IFT172: variants seen among roughly 807,000 people sequenced by gnomAD.
IFT172 encodes intraflagellar transport protein 172 homolog.
IFT172 carries 164 observed loss-of-function variants against 248.9 expected under a neutral mutation model. That is an observed-to-expected ratio of 0.66 (90% CI 0.58 to 0.75). The LOEUF (loss-of-function observed/expected upper bound fraction) is 0.75, where lower values mean the gene tolerates loss of function less well. IFT172 is among the 30% of genes least tolerant of loss of function. IFT172 has a pLI of 0.00. For synonymous variants in IFT172, 729 were observed against 791.6 expected (o/e 0.92, Z 1.33); for missense variants, 1,950 against 2,192.4 (o/e 0.89, Z 2.21).
At chr2:27,462,635 T>A in intron 20 of IFT172, 66 bp downstream of exon 20, 1 of 1,425,278 alleles carries the variant, frequency 7.0e-7, no homozygotes, top group South Asian at 1.2e-5. Context: ...CCCTTGAGTT[T>A]GTACCCCCTT....
Position 27,476,740 on chromosome 2 carries a change from G to T in IFT172, c.1326-14C>A, listed in dbSNP as rs777834110. ...TTAATACGAACACTGAAACATGAAG[G>T]GTGAGGTAAGGCAAAATGGGCTGAG... On this transcript the variant is annotated splice_polypyrimidine_tract_variant and intron_variant, in intron 13 of 47. Coordinates refer to ENST00000260570, the MANE Select transcript of IFT172 (RefSeq NM_015662.3). 4 of 1,571,170 alleles carry T rather than the reference G, an allele frequency of 2.5e-6. No individual in the cohort carries two copies. Among genetic ancestry groups the T allele is most frequent in the Non-Finnish European group, 3.5e-6 (4 of 1,141,464 alleles).
At chr2:27,447,182 C>G (rs1303985107) in intron 42 of IFT172, among the ~76,000 whole-genome samples, 1 of 152,196 alleles carries the variant, frequency 6.6e-6, no homozygotes, top group Non-Finnish European at 1.5e-5. Context: ...TTCTAGAATT[C>G]TATCATCCAA....
chr2:27,449,149 CCA>C, intron 39 of IFT172, 118 bp from the exon 40 acceptor site: 1 of 1,180,074 alleles, frequency 8.5e-7, no homozygotes, highest in Non-Finnish European at 1.3e-6. Flanking sequence ...ACCTCTGACC[CCA>C]GTTTCAGACT....
intron 8 of IFT172, 115 bp downstream of exon 8, chr2:27,480,931 C>T: frequency 2.6e-6 from 2 of 761,206 alleles, no homozygotes; most frequent in South Asian, 1.7e-5. Context: ...GCATGAATTA[C>T]ATACATACAT....
chr2:27,488,223 G>A (rs1243948666), intron 1 of IFT172, among the ~76,000 whole-genome samples: 6 of 151,732 alleles, frequency 4.0e-5, no homozygotes, highest in Admixed American at 1.3e-4. Flanking sequence ...GCACGATCTC[G>A]GCTCACTGCA....
intron 39 of IFT172, 114 bp from the exon 40 acceptor site, chr2:27,449,145 G>T: frequency 8.7e-7 from 1 of 1,154,242 alleles, no homozygotes; most frequent in Non-Finnish European, 1.3e-6. Flanking sequence ...GCAAACCTCT[G>T]ACCCCAGTTT....
intron 21 of IFT172, 58 bp from the exon 22 acceptor site, chr2:27,461,575 C>T (rs933313790): frequency 6.9e-6 from 11 of 1,584,276 alleles, no homozygotes; most frequent in Non-Finnish European, 9.5e-6. Context: ...CTTCTGCCTC[C>T]CATGCTTCTC....
rs371604610 is a variant in IFT172 at position 27,454,128 on chromosome 2, G to A, written c.3565C>T (p.Arg1189Cys). Residue 1189 changes from arginine (R) to cysteine (C), a missense_variant, in exon 33 of 48, where the codon CGT becomes TGT. Coordinates refer to ENST00000260570, the MANE Select transcript of IFT172 (RefSeq NM_015662.3). This position sits in a 1 kb window ranked among gnomAD's most constrained non-coding sequence, Gnocchi z 4.2. ...VHNQDWEAAQ[R>C]VAEAHDPDSV... ...TCAGGGTCGTGAGCCTCAGCCACAC[G>A]CTGAGCTGCCTCCCAATCCTGGTTA... The A allele has an allele frequency of 4.3e-6, 7 of 1,613,512 alleles. No individual in the cohort carries two copies. The highest frequency in any genetic ancestry group is 2.2e-5 in the East Asian group (1 of 44,890).
chr2:27,483,751 G>A (rs1418363745), intron 5 of IFT172, 92 bp from the exon 6 acceptor site: 1 of 1,464,702 alleles, frequency 6.8e-7, no homozygotes, highest in Admixed American at 1.7e-5. Flanking sequence ...CCACAAAACT[G>A]GTCCCTATGC....
Position 27,479,612 on chromosome 2 carries a change from G to A in IFT172, c.910-8C>T, listed in dbSNP as rs1355758993. On this transcript the variant is annotated splice_polypyrimidine_tract_variant and splice_region_variant and intron_variant, in intron 9 of 47. Transcript: ENST00000260570. ...CCCACCACATAGTGTGCCCTAGAAGGGAAAGTGACAGCATAAAAGGTCACA... is the reference window on the plus strand; with the variant it reads ...CCCACCACATAGTGTGCCCTAGAAGAGAAAGTGACAGCATAAAAGGTCACA... The A allele has an allele frequency of 3.2e-6, 5 of 1,570,726 alleles. No individual in the cohort carries two copies. Among genetic ancestry groups the A allele is most frequent in the Admixed American group, 1.7e-5 (1 of 59,908 alleles).
At chr2:27,465,996 G>T in intron 16 of IFT172, 114 bp from the exon 17 acceptor site, 1 of 1,199,736 alleles carries the variant, frequency 8.3e-7, no homozygotes, top group Non-Finnish European at 1.2e-6. Context: ...AGTCACAGCG[G>T]CCCTGATTTT....
intron 8 of IFT172, 85 bp downstream of exon 8, chr2:27,480,961 G>A (rs999928749): frequency 1.3e-5 from 13 of 1,015,500 alleles, no homozygotes; most frequent in East Asian, 2.4e-5. Context: ...CTCCAGTCTC[G>A]CACTCTGGCT....
rs1668091920 is a variant in IFT172 at position 27,478,006 on chromosome 2, G to A, written c.1156C>T (p.Arg386Trp). ...ATTTTGGTTCCTACCTCACTAAGCC[G>A]ATTAGTGTTCAGGTCCCCCAGCAGC... is the stretch of plus-strand genomic sequence containing the variant. ...TLLLGDLNTN[R>W]LSEIAWQGSG... The change falls in exon 11 of 48, where the codon CGG becomes TGG. Residue 386 changes from arginine to tryptophan, a missense_variant. Transcript: ENST00000260570. 1 of 1,614,058 alleles carries A rather than the reference G, an allele frequency of 6.2e-7. No individual in the cohort carries two copies. The highest frequency in any genetic ancestry group is 2.2e-5 in the East Asian group (1 of 44,882).
chr2:27,449,052 A>T, intron 39 of IFT172, 21 bp from the exon 40 acceptor site: 1 of 1,373,148 alleles, frequency 7.3e-7, no homozygotes, highest in East Asian at 2.3e-5. Flanking sequence ...GTGGAGGAAA[A>T]GCATGAGTGA....
chr2:27,474,098 G>A (rs549529849), intron 14 of IFT172, among the ~76,000 whole-genome samples: 7 of 152,250 alleles, frequency 4.6e-5, no homozygotes, highest in African/African-American at 1.7e-4. Flanking sequence ...ATGAGCCACC[G>A]TACCCGGCCT....
At chr2:27,483,688 G>T in intron 5 of IFT172, 29 bp from the exon 6 acceptor site, 1 of 1,608,112 alleles carries the variant, frequency 6.2e-7, no homozygotes, top group Non-Finnish European at 8.5e-7. Flanking sequence ...ATACAAGTAT[G>T]GTTAGGCTAT....
At position 27,454,402 on chromosome 2, in the gene IFT172, G is replaced by T; in HGVS notation, c.3482C>A (p.Ala1161Asp). 6.2e-7 allele frequency: 1 copy of T among 1,614,190 alleles called. No individual in the cohort carries two copies. The highest frequency in any genetic ancestry group is 8.5e-7 in the Non-Finnish European group (1 of 1,180,036). ...FLEDEGKFEEAEAEFIRAGKP... is the reference protein window; with the variant it reads ...FLEDEGKFEEDEAEFIRAGKP... ...ACCAGCTCTGATGAATTCAGCTTCA[G>T]CCTCTTCGAATTTACCCTACAGGGA... The change falls in exon 32 of 48, where the codon GCT becomes GAT. Residue 1161 changes from alanine (A) to aspartate (D), a missense_variant. Coordinates refer to ENST00000260570, the MANE Select transcript of IFT172 (RefSeq NM_015662.3). The surrounding 1 kb of genome is among the most constrained non-coding windows in gnomAD (Gnocchi z 4.2).
chr2:27,459,667 A>C (rs1666478801), intron 24 of IFT172, 42 bp downstream of exon 24: 1 of 1,609,006 alleles, frequency 6.2e-7, no homozygotes, highest in Non-Finnish European at 8.5e-7. Flanking sequence ...ACTGCCCCTC[A>C]CTTCACACCT....
chr2:27,448,150 A>G (rs943361515), intron 40 of IFT172, among the ~76,000 whole-genome samples: 3 of 152,014 alleles, frequency 2.0e-5, no homozygotes, highest in South Asian at 2.1e-4. Context: ...CCAAGGCTGG[A>G]GTGCAGTAGC....
Sources: gnomAD v4.1 joint callset for allele counts (sites outside exome capture counted in the v4.1 genomes callset) on GRCh38, gnomAD v4.1.1 for gene constraint, Gnocchi (gnomAD v3.1) non-coding constraint, MANE v1.5 for transcripts, NCBI Gene and HGNC (gene_info 2026-07-23, HGNC 2026-07-21) for gene names.